Variants in CSTPP1 observed in about 807,000 individuals in gnomAD.
The protein encoded by CSTPP1 is UPF0705 protein C11orf49.
At chr11:47,164,194 G>C in the CSTPP1 span, 1 of 1,614,028 alleles carries the variant, frequency 6.2e-7, no homozygotes, top group Non-Finnish European at 8.5e-7. Flanking sequence ...GCCCTGGAGA[G>C]AGTGTCCTCA....
At chr11:47,127,879 A>AT in the CSTPP1 span, among the ~76,000 whole-genome samples, 179 of 150,452 alleles carry the variant, frequency 1.2e-3, 5 homozygotes, top group South Asian at 0.036. Context: ...TATTATTATT[A>AT]TTTTTTTTTT....
At chr11:47,119,560 C>T in the CSTPP1 span, among the ~76,000 whole-genome samples, 7 of 149,606 alleles carry the variant, frequency 4.7e-5, no homozygotes, top group African/African-American at 1.2e-4. Flanking sequence ...AGCTACAGAA[C>T]GGAGCTGTTC....
At chr11:47,111,531 C>T in the CSTPP1 span, among the ~76,000 whole-genome samples, 152,111 of 152,216 alleles carry the variant, frequency 1, 76,004 homozygotes, top group Middle Eastern at 1. Context: ...CTCCTGTTGG[C>T]TTCAGCCCTT....
At chr11:46,937,514 A>G in the CSTPP1 span, among the ~76,000 whole-genome samples, 2 of 152,222 alleles carry the variant, frequency 1.3e-5, no homozygotes, top group African/African-American at 4.8e-5. Flanking sequence ...GAATGAAAAA[A>G]GGCACACACA....
chr11:47,045,960 T>C, the CSTPP1 span, among the ~76,000 whole-genome samples: 136 of 152,086 alleles, frequency 8.9e-4, no homozygotes, highest in African/African-American at 3.3e-3. Context: ...GTAATTTTTG[T>C]ATTTTTAGTA....
the CSTPP1 span, among the ~76,000 whole-genome samples, chr11:46,966,339 C>T: frequency 2.6e-5 from 4 of 152,176 alleles, no homozygotes; most frequent in Non-Finnish European, 5.9e-5. Context: ...CCGCGCCTGG[C>T]CCAGAAAAGT....
chr11:46,994,261 C>A, the CSTPP1 span, among the ~76,000 whole-genome samples: 2 of 152,102 alleles, frequency 1.3e-5, no homozygotes, highest in Admixed American at 1.3e-4. Context: ...TAATTGAATA[C>A]CCTTTATTTC....
the CSTPP1 span, among the ~76,000 whole-genome samples, chr11:47,101,182 T>TA: frequency 3.1e-5 from 3 of 97,662 alleles, no homozygotes; most frequent in African/African-American, 1.0e-4. Context: ...TTTTTTTTTT[T>TA]TTTTTTTATT....
the CSTPP1 span, among the ~76,000 whole-genome samples, chr11:47,030,076 A>C: frequency 6.6e-6 from 1 of 152,164 alleles, no homozygotes; most frequent in African/African-American, 2.4e-5. Context: ...GCAGTGAGCT[A>C]TGATCGTACT....
the CSTPP1 span, among the ~76,000 whole-genome samples, chr11:47,098,264 C>T: frequency 2.2e-5 from 3 of 139,338 alleles, no homozygotes; most frequent in Admixed American, 7.2e-5. Context: ...CATGACCCTG[C>T]CAAATCCCCC....
the CSTPP1 span, among the ~76,000 whole-genome samples, chr11:47,082,121 G>A: frequency 7.1e-6 from 1 of 141,102 alleles, no homozygotes; most frequent in Non-Finnish European, 1.5e-5. Flanking sequence ...CTGCACTCCC[G>A]CCTGGGAGAC....
chr11:47,046,877 G>T, the CSTPP1 span, among the ~76,000 whole-genome samples: 2 of 146,224 alleles, frequency 1.4e-5, no homozygotes, highest in African/African-American at 5.0e-5. Flanking sequence ...TGTTGGTCAG[G>T]CTGGTTGATT....
the CSTPP1 span, among the ~76,000 whole-genome samples, chr11:47,034,857 A>T: frequency 6.6e-6 from 1 of 152,188 alleles, no homozygotes; most frequent in Non-Finnish European, 1.5e-5. Context: ...TGGTTGGCAG[A>T]TGCTACTTCC....
the CSTPP1 span, among the ~76,000 whole-genome samples, chr11:47,098,116 G>A: frequency 3.7e-5 from 4 of 107,260 alleles, no homozygotes; most frequent in African/African-American, 1.5e-4. Context: ...CAGCATGCTC[G>A]TTAAGAGTCA....
At chr11:47,002,110 G>T in the CSTPP1 span, among the ~76,000 whole-genome samples, 3 of 148,144 alleles carry the variant, frequency 2.0e-5, no homozygotes, top group African/African-American at 7.5e-5. Context: ...CCATAGTTCA[G>T]TTCTTAGCTG....
chr11:47,129,493 C>T, the CSTPP1 span, among the ~76,000 whole-genome samples: 5 of 152,206 alleles, frequency 3.3e-5, no homozygotes, highest in African/African-American at 1.2e-4. Flanking sequence ...CCCACCCTCG[C>T]CATATGCAGC....
At chr11:47,130,393 C>A in the CSTPP1 span, among the ~76,000 whole-genome samples, 14 of 152,262 alleles carry the variant, frequency 9.2e-5, no homozygotes, top group Middle Eastern at 3.4e-3. Context: ...AGGTGTCATT[C>A]GAGGCCATTG....
At chr11:47,018,369 A>G in the CSTPP1 span, among the ~76,000 whole-genome samples, 1 of 135,498 alleles carries the variant, frequency 7.4e-6, no homozygotes. Context: ...ATGTTGGCTC[A>G]CTGCAACCTC....
At chr11:47,023,788 C>T in the CSTPP1 span, among the ~76,000 whole-genome samples, 1 of 152,106 alleles carries the variant, frequency 6.6e-6, no homozygotes, top group Non-Finnish European at 1.5e-5. Flanking sequence ...ATCAGATTTC[C>T]TTCCTTCTTA....
Sources: allele counts gnomAD v4.1 joint callset (sites outside exome capture counted in the v4.1 genomes callset), GRCh38; gene constraint gnomAD v4.1.1; transcripts MANE v1.5; gene names NCBI Gene and HGNC (gene_info 2026-07-23, HGNC 2026-07-21).